Variants in MPRIP observed in about 807,000 individuals in gnomAD.
MPRIP encodes the protein myosin phosphatase Rho interacting protein, also known as myosin phosphatase Rho-interacting protein.
A neutral mutation model predicts 234.9 loss-of-function variants in MPRIP; 59 were observed. The observed-to-expected ratio is 0.25, with a 90% CI of 0.20 to 0.31. The LOEUF is 0.31. Among genes scored for constraint, MPRIP ranks in the 10% least tolerant of loss-of-function variants. The pLI, the probability that MPRIP is intolerant of heterozygous loss-of-function variation, is 1.00. For synonymous variants in MPRIP, 1,144 were observed against 1,263.9 expected (o/e 0.91, Z 2.01); for missense variants, 2,436 against 3,071.0 (o/e 0.79, Z 4.89).
chr17:17,113,880 C>CT (rs1236846171), intron 3 of MPRIP, among the ~76,000 whole-genome samples: 9,451 of 91,698 alleles, frequency 0.1, 926 homozygotes, highest in African/African-American at 0.25. Context: ...CTTTTCTTTT[C>CT]TTTTCTTTTT....
At chr17:17,174,262 G>A (rs1018195849) in intron 19 of MPRIP, among the ~76,000 whole-genome samples, 187 bp downstream of exon 19, 1 of 152,250 alleles carries the variant, frequency 6.6e-6, no homozygotes, top group African/African-American at 2.4e-5. Context: ...GGCCATCTGT[G>A]TTGTCAGAAA....
intron 2 of MPRIP, chr17:17,076,924 T>C (rs1342649785): frequency 6.6e-6 from 1 of 150,426 alleles, no homozygotes; most frequent in Admixed American, 6.8e-5. Context: ...CTGAGTATTG[T>C]TGGGCTCTTT....
chr17:17,154,208 T>C (rs2045674922), intron 12 of MPRIP, 98 bp from the exon 13 acceptor site: 3 of 995,986 alleles, frequency 3.0e-6, no homozygotes, highest in African/African-American at 3.2e-5. Flanking sequence ...CCTTTCTCCC[T>C]GTGGGACTTT....
At chr17:17,066,653 T>C (rs966400401) in intron 1 of MPRIP, among the ~76,000 whole-genome samples, 1 of 150,802 alleles carries the variant, frequency 6.6e-6, no homozygotes, top group Admixed American at 6.6e-5. Flanking sequence ...TTGCTTTCAG[T>C]TGGAACTCAT....
At chr17:17,113,127 T>G (rs934584196) in intron 3 of MPRIP, among the ~76,000 whole-genome samples, 1 of 152,220 alleles carries the variant, frequency 6.6e-6, no homozygotes, top group African/African-American at 2.4e-5. Flanking sequence ...AGACGGCTCC[T>G]GGCCCTGCCC....
chr17:17,146,016 C>T lies in MPRIP; in HGVS notation c.1504-20C>T. On this transcript the variant is annotated intron_variant, in intron 9 of 23. Transcript: ENST00000651222. ...CTAGAAGAGTTTCCTCTGAGCTGTT[C>T]TTTTTTCTCCCTTTCTCAGCCCGAC... 1.2e-6 allele frequency: 2 copies of T among 1,613,064 alleles called. No individual in the cohort carries two copies. The highest frequency in any genetic ancestry group is 1.7e-6 in the Non-Finnish European group (2 of 1,179,326).
chr17:17,115,487 G>T (rs2090266318), intron 3 of MPRIP, among the ~76,000 whole-genome samples: 1 of 152,246 alleles, frequency 6.6e-6, no homozygotes, highest in Non-Finnish European at 1.5e-5. Flanking sequence ...CTGTTGGAAG[G>T]CCTGGCCTGC....
intron 3 of MPRIP, among the ~76,000 whole-genome samples, chr17:17,115,728 C>T (rs184363754): frequency 3.3e-4 from 50 of 152,322 alleles, no homozygotes; most frequent in East Asian, 1.5e-3. Flanking sequence ...CTGTCCTGGA[C>T]GCTTGATGTA....
chr17:17,091,307 A>T (rs4078534), intron 3 of MPRIP, among the ~76,000 whole-genome samples: 5,041 of 152,150 alleles, frequency 0.033, 142 homozygotes, highest in East Asian at 0.12. Flanking sequence ...TGGGGACATC[A>T]TCTAGTCCAG....
At chr17:17,108,239 C>T (rs2090101374) in intron 3 of MPRIP, among the ~76,000 whole-genome samples, 1 of 152,150 alleles carries the variant, frequency 6.6e-6, no homozygotes, top group South Asian at 2.1e-4. Context: ...AGGCTCTTTA[C>T]AGCTGCATTT....
chr17:17,111,337 C>T (rs2090167952), intron 3 of MPRIP, among the ~76,000 whole-genome samples: 1 of 144,042 alleles, frequency 6.9e-6, no homozygotes, highest in African/African-American at 2.5e-5. Context: ...GTGGCCTTGC[C>T]CTTGAAGGAC....
Position 17,165,842 on chromosome 17 carries a change from A to C in MPRIP, c.4251A>C (p.Ala1417=), listed in dbSNP as rs888989294. The C allele has an allele frequency of 3.7e-5, 48 of 1,304,102 alleles. No individual in the cohort carries two copies. Among genetic ancestry groups the C allele is most frequent in the Non-Finnish European group, 4.9e-5 (48 of 988,976 alleles). The allele number at this position is 1,304,102 out of a possible 1,614,324, so 80.8% of individuals were successfully genotyped here. Residue 1417 remains alanine, a synonymous_variant, in exon 16 of 24, where the codon GCA becomes GCC. Transcript: ENST00000651222. ...GTCAGAGCCGTGAGGCACTGCTCGC[A>C]CTGCACCACCAGTGGGCGGGCACCG... ...QQGQSREALL[A]LHHQWAGTEA... is the part of the protein sequence containing the mutation.
chr17:17,079,324 G>C (rs2089408869), intron 3 of MPRIP, among the ~76,000 whole-genome samples: 1 of 152,206 alleles, frequency 6.6e-6, no homozygotes, highest in African/African-American at 2.4e-5. Flanking sequence ...TAGAGCATAG[G>C]GGGTTTTTGC....
In MPRIP at chr17:17,143,571, GC is replaced by G. The variant is rs778181735; in HGVS notation, c.1412del (p.Pro471GlnfsTer30). The G allele has an allele frequency of 8.1e-6, 13 of 1,596,084 alleles. No homozygotes were observed. The highest frequency in any genetic ancestry group is 3.4e-5 in the South Asian group (3 of 87,328). ...TCTGCCACAGGACTTCACCAATGAA[GC>G]CCCCCCAGCTCCTCTCCCAGACGCC... ...FPRKRDFTNE[A>X]PPAPLPDASA... is the part of the protein sequence containing the mutation. On this transcript the variant is annotated frameshift_variant, in exon 9 of 24. Coordinates refer to ENST00000651222, the MANE Select transcript of MPRIP (RefSeq NM_001364716.4). LOFTEE classifies it high-confidence loss of function.
rs189027025 is a variant in MPRIP at position 17,174,590 on chromosome 17, G to A, written c.6750+515G>A. On this transcript the variant is annotated intron_variant, in intron 19 of 23. Coordinates refer to ENST00000651222, the MANE Select transcript of MPRIP (RefSeq NM_001364716.4). ...GGTGGCTCACGCCTGTAATCCCAGC[G>A]CTTTGGGAGGCCAAGACGGGCGGAT... Among the ~76,000 whole-genome samples, 406 of 152,206 alleles carry A rather than the reference G, an allele frequency of 2.7e-3. 1 individual carries two copies. The highest frequency in any genetic ancestry group is 4.7e-3 in the African/African-American group (196 of 41,536).
chr17:17,175,271 C>G (rs757405897), intron 19 of MPRIP, 22 bp from the exon 20 acceptor site: 32 of 1,612,698 alleles, frequency 2.0e-5, no homozygotes, highest in Non-Finnish European at 2.7e-5. Context: ...TGGAGTGTCA[C>G]TGTTGTGTTG....
At chr17:17,095,063 T>G (rs1451921789) in intron 3 of MPRIP, among the ~76,000 whole-genome samples, 1 of 152,236 alleles carries the variant, frequency 6.6e-6, no homozygotes, top group African/African-American at 2.4e-5. Flanking sequence ...TTCTAACCCT[T>G]CTGTTGGGGT....
chr17:17,054,419 C>T lies in MPRIP; in HGVS notation c.123+11448C>T, dbSNP rs2088632163. 3.3e-5 allele frequency among the ~76,000 whole-genome samples: 5 copies of T among 152,266 alleles called. No homozygotes were observed. The South Asian group carries it at 1.0e-3, about 32-fold the overall frequency. On this transcript the variant is annotated intron_variant, in intron 1 of 23. Coordinates refer to ENST00000651222, the MANE Select transcript of MPRIP (RefSeq NM_001364716.4). ...TACCTGTATTCATTCATGCGTTTTC[C>T]AGCTTGCTTATTCCAGTTCAATGTC... is the stretch of plus-strand genomic sequence containing the variant.
chr17:17,117,232 G>A (rs1165177284), intron 3 of MPRIP, among the ~76,000 whole-genome samples: 1 of 152,232 alleles, frequency 6.6e-6, no homozygotes, highest in Admixed American at 6.5e-5. Flanking sequence ...AGCAGCAGGC[G>A]GCACGGGTGT....
Sources: allele counts gnomAD v4.1 joint callset (sites outside exome capture counted in the v4.1 genomes callset), GRCh38; gene constraint gnomAD v4.1.1; transcripts MANE v1.5; gene names NCBI Gene and HGNC (gene_info 2026-07-23, HGNC 2026-07-21).